The following SYT16 variants were observed in gnomAD, a reference collection of about 807,000 sequenced individuals.
The protein encoded by SYT16 is synaptotagmin 16.
In SYT16, 42 loss-of-function variants were observed where a neutral mutation model predicts 61.4. That is an observed-to-expected ratio of 0.68 (90% CI 0.53 to 0.89). The LOEUF (loss-of-function observed/expected upper bound fraction) is 0.89, where lower values mean the gene tolerates loss of function less well. SYT16 is among the 40% of genes least tolerant of loss of function. The pLI, the probability that SYT16 is intolerant of heterozygous loss-of-function variation, is 0.00. For missense variants in SYT16, 804 were observed against 807.3 expected (o/e 1.00, Z 0.05); for synonymous variants, 314 against 302.3 (o/e 1.04, Z -0.40).
At chr14:62,005,576 G>A (rs2053189336) in intron 3 of SYT16, among the ~76,000 whole-genome samples, 1 of 152,160 alleles carries the variant, frequency 6.6e-6, no homozygotes, top group African/African-American at 2.4e-5. Flanking sequence ...TCCTTAAACA[G>A]CATTATGACT....
chr14:62,098,764 A>G (rs2057343576), intron 7 of SYT16, among the ~76,000 whole-genome samples: 1 of 152,214 alleles, frequency 6.6e-6, no homozygotes, highest in South Asian at 2.1e-4. Flanking sequence ...GCAGACAAAT[A>G]GGCAGCGATA....
intron 1 of SYT16, among the ~76,000 whole-genome samples, chr14:61,894,054 C>T (rs1373960439): frequency 1.3e-5 from 2 of 152,124 alleles, no homozygotes; most frequent in African/African-American, 2.4e-5. Flanking sequence ...GAGGCCAAGG[C>T]GGGCAGATTA....
chr14:61,869,471 C>G (rs989648802), intron 1 of SYT16, among the ~76,000 whole-genome samples: 1 of 151,936 alleles, frequency 6.6e-6, no homozygotes, highest in Non-Finnish European at 1.5e-5. Flanking sequence ...TTAAATTTAT[C>G]AACATCTACT....
chr14:61,958,960 G>T (rs1214637426), intron 1 of SYT16, among the ~76,000 whole-genome samples: 1 of 152,000 alleles, frequency 6.6e-6, no homozygotes, highest in Non-Finnish European at 1.5e-5. Flanking sequence ...TTTTAGTTGT[G>T]ATAGATCCCT....
upstream of SYT16, among the ~76,000 whole-genome samples, chr14:61,812,552 C>A (rs1438766381): frequency 8.6e-5 from 13 of 150,546 alleles, no homozygotes; most frequent in African/African-American, 3.2e-4. Flanking sequence ...AGCCTCTAGG[C>A]GCCGCAGCTC....
intron 3 of SYT16, among the ~76,000 whole-genome samples, chr14:62,041,172 G>T (rs1041387493): frequency 6.6e-6 from 1 of 152,062 alleles, no homozygotes; most frequent in African/African-American, 2.4e-5. Context: ...TGATTAGATT[G>T]TGCCCACCCA....
intron 3 of SYT16, among the ~76,000 whole-genome samples, chr14:62,066,617 A>G (rs1363230565): frequency 3.9e-5 from 6 of 152,226 alleles, no homozygotes; most frequent in Non-Finnish European, 7.3e-5. Context: ...CTTCTGACTC[A>G]GAAGTGATCT....
Position 62,098,955 on chromosome 14 carries a change from G to A in SYT16, c.1625-1439G>A, listed in dbSNP as rs2057348090. 6.6e-5 allele frequency among the ~76,000 whole-genome samples: 10 copies of A among 152,168 alleles called. No individual in the cohort carries two copies. The South Asian group carries it at 1.9e-3, about 28-fold the overall frequency. ...TCATATGAGGCTGAGTATTAGTGGG[G>A]ATGTCAGAGCATGGGGAACATGTAC... On this transcript the variant is annotated intron_variant, in intron 7 of 7. Transcript: ENST00000683842.
intron 1 of SYT16, among the ~76,000 whole-genome samples, chr14:61,900,785 G>C (rs1040582198): frequency 3.9e-5 from 6 of 152,190 alleles, no homozygotes; most frequent in Non-Finnish European, 8.8e-5. Context: ...GGGCCTGTTT[G>C]GCTTGGCTTG....
At chr14:61,937,533 G>C (rs961890369) in intron 1 of SYT16, among the ~76,000 whole-genome samples, 1 of 152,160 alleles carries the variant, frequency 6.6e-6, no homozygotes, top group Non-Finnish European at 1.5e-5. Context: ...TTACTGAAGC[G>C]TTTGCTGACA....
intron 2 of SYT16, among the ~76,000 whole-genome samples, chr14:61,981,216 C>T (rs77874375): frequency 0.039 from 5,882 of 152,232 alleles, 129 homozygotes; most frequent in African/African-American, 0.049. Flanking sequence ...ATCTGCTTTG[C>T]ATAGAGTACA....
At chr14:61,823,594 AAAG>A (rs1225347837) in intron 1 of SYT16, among the ~76,000 whole-genome samples, 19 of 151,016 alleles carry the variant, frequency 1.3e-4, no homozygotes, top group African/African-American at 4.4e-4. Context: ...AAAAAAAAAA[AAAG>A]AAGAATTAGC....
intron 1 of SYT16, among the ~76,000 whole-genome samples, chr14:61,899,964 A>G (rs2048454730): frequency 6.6e-6 from 1 of 152,186 alleles, no homozygotes. Context: ...GACTGACATA[A>G]GGCAAGAAAT....
At chr14:61,990,326 A>G (rs1240595102) in intron 2 of SYT16, among the ~76,000 whole-genome samples, 1 of 152,212 alleles carries the variant, frequency 6.6e-6, no homozygotes, top group Non-Finnish European at 1.5e-5. Flanking sequence ...TAGGTGACAC[A>G]AGAAAGTTAA....
intron 1 of SYT16, among the ~76,000 whole-genome samples, chr14:61,929,418 AGAG>A (rs2049672244): frequency 6.6e-6 from 1 of 152,228 alleles, no homozygotes. Context: ...AGTCAGGTGA[AGAG>A]GAGAGATTCA....
intron 3 of SYT16, among the ~76,000 whole-genome samples, chr14:62,028,794 TTTAA>T (rs1377693027): frequency 6.6e-6 from 1 of 152,090 alleles, no homozygotes; most frequent in Non-Finnish European, 1.5e-5. Context: ...CCATACTATT[TTTAA>T]TTGAGTTTAA....
At chr14:62,081,975 G>C (rs2056725259) in intron 6 of SYT16, among the ~76,000 whole-genome samples, 1 of 152,220 alleles carries the variant, frequency 6.6e-6, no homozygotes, top group African/African-American at 2.4e-5. Context: ...AAAGAACTAA[G>C]CAGGCGATGC....
At chr14:61,967,711 C>A (rs2051371798) in intron 1 of SYT16, among the ~76,000 whole-genome samples, 1 of 152,172 alleles carries the variant, frequency 6.6e-6, no homozygotes, top group Non-Finnish European at 1.5e-5. Flanking sequence ...ACCCTAATTA[C>A]ATCTTCAAAG....
chr14:61,821,559 G>A (rs1264030555), intron 1 of SYT16, among the ~76,000 whole-genome samples: 1 of 152,112 alleles, frequency 6.6e-6, no homozygotes, highest in Admixed American at 6.5e-5. Flanking sequence ...ATGGACTGAG[G>A]GCCTCAATTT....
Sources: allele counts gnomAD v4.1 joint callset (sites outside exome capture counted in the v4.1 genomes callset), GRCh38; gene constraint gnomAD v4.1.1; transcripts MANE v1.5; gene names NCBI Gene and HGNC (gene_info 2026-07-23, HGNC 2026-07-21).